The following TANGO2 variants were observed in gnomAD, a reference collection of about 807,000 sequenced individuals.
TANGO2 encodes the protein transport and golgi organization 2 homolog.
Under a neutral mutation model 39.1 loss-of-function variants are expected in TANGO2, and 26 were observed. The observed-to-expected ratio is 0.67, with a 90% confidence interval of 0.49 to 0.92. The LOEUF is 0.92. Ranked by LOEUF, TANGO2 falls within the 40% of genes least tolerant of loss-of-function variation. The probability of loss-of-function intolerance (pLI) is 0.00; values close to 1 mark genes in which losing one functional copy is unlikely to be tolerated. For missense variants in TANGO2, 326 were observed against 360.1 expected (o/e 0.91, Z 0.77); for synonymous variants, 131 against 144.5 (o/e 0.91, Z 0.67).
intron 3 of TANGO2, among the ~76,000 whole-genome samples, chr22:20,045,423 G>A (rs907142933): frequency 4.0e-5 from 6 of 151,784 alleles, no homozygotes; most frequent in African/African-American, 1.4e-4. Flanking sequence ...AGGCAACAGA[G>A]TGAGACCCTG....
rs1314078206 is a variant in TANGO2 at position 20,065,048 on chromosome 22, CA to C, written c.*387del. 2 of 236,226 alleles carry C rather than the reference CA, an allele frequency of 8.5e-6. No individual in the cohort carries two copies. Among genetic ancestry groups the C allele is most frequent in the Non-Finnish European group, 1.7e-5 (2 of 118,650 alleles). The allele number at this position is 236,226 out of a possible 1,614,324, so 14.6% of individuals were successfully genotyped here. On this transcript the variant is annotated 3_prime_UTR_variant, in exon 9 of 9. Coordinates refer to ENST00000327374, the MANE Select transcript of TANGO2 (RefSeq NM_152906.7). ...ACCGACACAGGCACATGTACGTGCA[CA>C]GGTGTGCTACACATGTGCACACATG...
rs760258063 is a variant in TANGO2, at chr22:20,063,386, G to T, written c.654G>T (p.Gln218His). ...AGGACCAGGGTGGGGAGTACGTGCA[G>T]CCCATGCTGAGCAAGTACGCGGCTG... The part of the protein sequence containing the change: ...AIEDQGGEYV[Q>H]PMLSKYAAVC... Residue 218 changes from glutamine (Q) to histidine (H), a missense_variant, in exon 8 of 9, where the codon CAG becomes CAT. Coordinates refer to ENST00000327374, the MANE Select transcript of TANGO2 (RefSeq NM_152906.7). 23 of 1,613,396 alleles carry T rather than the reference G, an allele frequency of 1.4e-5. No homozygotes were observed. The highest frequency in any genetic ancestry group is 4.5e-5 in the East Asian group (2 of 44,890).
chr22:20,061,360 A>T, intron 6 of TANGO2, 170 bp from the exon 7 acceptor site: 1 of 677,418 alleles, frequency 1.5e-6, no homozygotes, highest in Non-Finnish European at 2.3e-6. Context: ...CCATGCCATC[A>T]GGTCAGGAAT....
intron 8 of TANGO2, among the ~76,000 whole-genome samples, chr22:20,064,094 G>C (rs746397666): frequency 3.3e-5 from 5 of 152,320 alleles, no homozygotes; most frequent in Non-Finnish European, 7.4e-5. Context: ...GCATGGCCTG[G>C]GCAGTGGAAG....
intron 2 of TANGO2, 74 bp downstream of exon 2, chr22:20,036,928 C>G (rs1417717642): frequency 6.2e-7 from 1 of 1,613,960 alleles, no homozygotes; most frequent in East Asian, 2.2e-5. Context: ...GCCACCCAAG[C>G]TGCTGTGTGC....
chr22:20,063,264 G>A lies in TANGO2; in HGVS notation c.606-74G>A. On this transcript the variant is annotated intron_variant, in intron 7 of 8. Transcript: ENST00000327374. ...TCCCCAGAGCCAGTTAGGCCACCAGGTGGGCTGGGGCTAGACCCGGCTGCG... is the reference window on the plus strand; with the variant it reads ...TCCCCAGAGCCAGTTAGGCCACCAGATGGGCTGGGGCTAGACCCGGCTGCG... 18 of 1,375,532 alleles carry A rather than the reference G, an allele frequency of 1.3e-5. 1 individual carries two copies. In the South Asian group the frequency reaches 2.1e-4, roughly 16 times the overall value. 85.2% of individuals were successfully genotyped at this position (1,375,532 alleles called of 1,614,324 possible).
rs2047637727 is a variant in TANGO2, at chr22:20,057,781, G to C, written c.451+1768G>C. On this transcript the variant is annotated intron_variant, in intron 6 of 8. Transcript: ENST00000327374. This position sits in a 1 kb window ranked among gnomAD's most constrained non-coding sequence, Gnocchi z 4.1. Reference sequence around the variant, plus strand: ...GCCATGCTGAGCCTGTGACTGCCCAGGAGAGAATTGGAAACTAAAAGGTGC... The same window carrying C: ...GCCATGCTGAGCCTGTGACTGCCCACGAGAGAATTGGAAACTAAAAGGTGC... 6.6e-6 allele frequency among the ~76,000 whole-genome samples: 1 copy of C among 152,194 alleles called. No individual in the cohort carries two copies.
chr22:20,023,973 G>A (rs2040238122), intron 1 of TANGO2, among the ~76,000 whole-genome samples: 3 of 152,182 alleles, frequency 2.0e-5, no homozygotes, highest in Admixed American at 2.0e-4. Flanking sequence ...CCTGAGGTCA[G>A]GAGTTCGAGA....
In TANGO2 at chr22:20,050,357, G is replaced by GTTTTTTTTTTTTTTTTTTTTTT. The variant is rs1491540119; in HGVS notation, c.146-2108_146-2107insTTTTTTTTTTTTTTTTTTTTTT. Among the ~76,000 whole-genome samples the GTTTTTTTTTTTTTTTTTTTTTT allele has an allele frequency of 1.4e-4, 10 of 69,204 alleles. 4 individuals carry two copies. Among genetic ancestry groups the GTTTTTTTTTTTTTTTTTTTTTT allele is most frequent in the Admixed American group, 2.4e-4 (1 of 4,086 alleles). 45.4% of individuals were successfully genotyped at this position (69,204 alleles called of 152,430 possible). Reference sequence around the variant, plus strand: ...ATTTTTCATTAAATATTTTCCTGGTGGTTTTTTTTTTTTTTTTTTTTTTTG... The same window carrying GTTTTTTTTTTTTTTTTTTTTTT: ...ATTTTTCATTAAATATTTTCCTGGTGTTTTTTTTTTTTTTTTTTTTTTGTTTTTTTTTTTTTTTTTTTTTTTG... On this transcript the variant is annotated intron_variant, in intron 3 of 8. Transcript: ENST00000327374.
chr22:20,043,462 T>G lies in TANGO2; in HGVS notation c.145+19T>G. 1 of 1,571,324 alleles carries G rather than the reference T, an allele frequency of 6.4e-7. No individual in the cohort carries two copies. On this transcript the variant is annotated intron_variant, in intron 3 of 8. Transcript: ENST00000327374. ...CTCAGTGGTGAGTCTTCCTGCGTGC[T>G]CAGCGGTGGCTGCGCCTTGTTGCTT...
chr22:20,059,987 G>T (rs1421927602), intron 6 of TANGO2, among the ~76,000 whole-genome samples: 2 of 151,264 alleles, frequency 1.3e-5, no homozygotes, highest in Non-Finnish European at 2.9e-5. Flanking sequence ...ACAGGGTCTG[G>T]CTCTGTCACC....
intron 1 of TANGO2, among the ~76,000 whole-genome samples, chr22:20,027,177 C>T (rs1321055096): frequency 6.6e-6 from 1 of 152,144 alleles, no homozygotes; most frequent in African/African-American, 2.4e-5. Flanking sequence ...AAAACCAGAT[C>T]TCGTGAGAAC....
upstream of TANGO2, among the ~76,000 whole-genome samples, chr22:20,019,469 A>T (rs1858770): frequency 1.3e-5 from 2 of 152,272 alleles, no homozygotes; most frequent in South Asian, 2.1e-4. Flanking sequence ...GTGGTGACAA[A>T]GAAGATCAGA....
intron 1 of TANGO2, among the ~76,000 whole-genome samples, chr22:20,035,236 C>T: frequency 6.6e-6 from 1 of 152,280 alleles, no homozygotes; most frequent in East Asian, 1.9e-4. Context: ...CCACCAGCTC[C>T]TCACTGGAGC....
At chr22:20,046,976 G>A (rs1433120628) in intron 3 of TANGO2, among the ~76,000 whole-genome samples, 4 of 152,198 alleles carry the variant, frequency 2.6e-5, no homozygotes, top group Admixed American at 1.3e-4. Context: ...TCTGATGCAG[G>A]CCTCAGGAAG....
At chr22:20,022,068 GACGGCAGCTATA>G (rs2039805159) in intron 1 of TANGO2, among the ~76,000 whole-genome samples, 1 of 152,242 alleles carries the variant, frequency 6.6e-6, no homozygotes, top group Non-Finnish European at 1.5e-5. Flanking sequence ...AGGCAGATGT[GACGGCAGCTATA>G]AGGGGGTAGC....
At chr22:20,051,577 T>G (rs553559914) in intron 3 of TANGO2, among the ~76,000 whole-genome samples, 1 of 151,134 alleles carries the variant, frequency 6.6e-6, no homozygotes, top group Non-Finnish European at 1.5e-5. Flanking sequence ...TCCTAGCCAG[T>G]GCAGTGGCTC....
rs577553457 is a variant in TANGO2 at position 20,043,603 on chromosome 22, G to A, written c.145+160G>A. ...CGTGGTCGGGGCCAGCCCCAGCACC[G>A]GGCATTGCCAGAGCTGCCCACCCAG... On this transcript the variant is annotated intron_variant, in intron 3 of 8. Coordinates refer to ENST00000327374, the MANE Select transcript of TANGO2 (RefSeq NM_152906.7). 1.6e-3 allele frequency among the ~76,000 whole-genome samples: 244 copies of A among 152,256 alleles called. 1 individual carries two copies. The highest frequency in any genetic ancestry group is 5.6e-3 in the African/African-American group (233 of 41,572).
chr22:20,052,452 T>C lies in TANGO2; in HGVS notation c.146-13T>C. ...GGTGGCATCAATGGTGGTAACACTG[T>C]CATCTGCCACAGGGCTGGACATGGA... is the stretch of plus-strand genomic sequence containing the variant. On this transcript the variant is annotated splice_polypyrimidine_tract_variant and intron_variant, in intron 3 of 8. Coordinates refer to ENST00000327374, the MANE Select transcript of TANGO2 (RefSeq NM_152906.7). 6.3e-7 allele frequency: 1 copy of C among 1,591,870 alleles called. No individual in the cohort carries two copies. The highest frequency in any genetic ancestry group is 8.6e-7 in the Non-Finnish European group (1 of 1,168,982).
Sources: allele counts gnomAD v4.1 joint callset (sites outside exome capture counted in the v4.1 genomes callset), GRCh38; gene constraint gnomAD v4.1.1; non-coding constraint Gnocchi (gnomAD v3.1); transcripts MANE v1.5; gene names NCBI Gene and HGNC (gene_info 2026-07-23, HGNC 2026-07-21).